Variants in IGHMBP2 observed in about 807,000 individuals in gnomAD.
The protein encoded by IGHMBP2 is DNA-binding protein SMUBP-2.
IGHMBP2 carries 81 observed loss-of-function variants against 96.0 expected under a neutral mutation model. The observed-to-expected ratio is 0.84, with a 90% CI of 0.71 to 1.01. The LOEUF (loss-of-function observed/expected upper bound fraction) is 1.01. IGHMBP2 is among the 50% of genes least tolerant of loss of function. IGHMBP2 has a pLI of 0.00. For synonymous variants in IGHMBP2, 557 were observed against 548.9 expected, an observed-to-expected ratio of 1.01 and a Z score of -0.21; for missense variants, 1,227 against 1,306.3, an observed-to-expected ratio of 0.94 and a Z score of 0.94.
Position 68,936,370 on chromosome 11 carries a change from C to G in IGHMBP2, c.1890C>G (p.Phe630Leu), listed in dbSNP as rs1480529038. The G allele has an allele frequency of 6.2e-7, 1 of 1,614,212 alleles. No individual in the cohort carries two copies. Among genetic ancestry groups the G allele is most frequent in the Non-Finnish European group, 8.5e-7 (1 of 1,180,048 alleles). ...TTTTGAAGACCCTGGTGGAGTATTT[C>G]ACACAGCATGGGGAAGTACGCACGG... ...HAFLKTLVEYFTQHGEVRTAF... is the reference protein window; with the variant it reads ...HAFLKTLVEYLTQHGEVRTAF... The change falls in exon 13 of 15, where the codon TTC (phenylalanine) becomes TTG (leucine). Residue 630 changes from phenylalanine (F) to leucine (L), a missense_variant. Phe to Leu is a conservative substitution (Grantham distance 22, BLOSUM62 0). Transcript: ENST00000255078.
rs1374616374 is a variant in IGHMBP2, at chr11:68,908,813, G to T, written c.547+182G>T. Among the ~76,000 whole-genome samples the T allele has an allele frequency of 3.3e-5, 5 of 150,156 alleles. No individual in the cohort carries two copies. The East Asian group carries it at 9.8e-4, about 29-fold the overall frequency. ...AACTGGACCGTCCTCCTTGTACTCAGTCCTAATGAACTGGCTCGTTCCATT... is the reference window on the plus strand; with the variant it reads ...AACTGGACCGTCCTCCTTGTACTCATTCCTAATGAACTGGCTCGTTCCATT... On this transcript the variant is annotated intron_variant, in intron 4 of 14. Transcript: ENST00000255078.
At chr11:68,907,616 C>A (rs1236295170) in intron 2 of IGHMBP2, among the ~76,000 whole-genome samples, 1 of 152,082 alleles carries the variant, frequency 6.6e-6, no homozygotes, top group Non-Finnish European at 1.5e-5. Context: ...TTTAGCCCAA[C>A]AATTACTGGA....
chr11:68,904,825 GTCTC>G (rs570298731), intron 1 of IGHMBP2, among the ~76,000 whole-genome samples: 1 of 21,142 alleles, frequency 4.7e-5, no homozygotes, highest in Non-Finnish European at 2.9e-4. Flanking sequence ...TTTAGACAGA[GTCTC>G]TCTCTGTCGC....
chr11:68,921,976 T>C lies in IGHMBP2; in HGVS notation c.1060+4093T>C, dbSNP rs566308672. On this transcript the variant is annotated intron_variant, in intron 7 of 14. Transcript: ENST00000255078. ...CTGCCTGAGTATTTCTGAAGAGAAA[T>C]TGGTCATCCTTATCCTTGTTCCTTT... 2.0e-5 allele frequency among the ~76,000 whole-genome samples: 3 copies of C among 152,364 alleles called. No homozygotes were observed. In the South Asian group the frequency reaches 6.2e-4, roughly 32 times the overall value.
rs181065588 is a variant in IGHMBP2, at chr11:68,908,902, G to A, written c.547+271G>A. The stretch of plus-strand genomic sequence containing the variant: ...GTTGCCCAGGCTGGAGTGCAGTGGC[G>A]CGATCTCAGCTCATTGCAAACTCCG... On this transcript the variant is annotated intron_variant, in intron 4 of 14. Transcript: ENST00000255078. Among the ~76,000 whole-genome samples, 940 of 149,722 alleles carry A rather than the reference G, an allele frequency of 6.3e-3. 9 individuals are homozygous for A. Among genetic ancestry groups the A allele is most frequent in the African/African-American group, 0.022 (893 of 40,566 alleles).
At chr11:68,928,690 C>T (rs779366862) in intron 7 of IGHMBP2, among the ~76,000 whole-genome samples, 3 of 152,188 alleles carry the variant, frequency 2.0e-5, no homozygotes, top group Non-Finnish European at 4.4e-5. Context: ...GAGTCTTGCT[C>T]ACAGCCTGAA....
At chr11:68,925,185 GC>G (rs1485614723) in intron 7 of IGHMBP2, among the ~76,000 whole-genome samples, 1 of 132,538 alleles carries the variant, frequency 7.5e-6, no homozygotes, top group Non-Finnish European at 1.5e-5. Flanking sequence ...TCACTCTGTT[GC>G]CCAGGCTGTA....
chr11:68,925,273 G>A (rs1013779880), intron 7 of IGHMBP2, among the ~76,000 whole-genome samples: 6 of 151,806 alleles, frequency 4.0e-5, no homozygotes, highest in Non-Finnish European at 7.4e-5. Context: ...AGCCTCCTGA[G>A]TAGCTGGGAT....
rs1295031079 is a variant in IGHMBP2 at position 68,934,572 on chromosome 11, C to G, written c.1632+14C>G. ...TACAACCTCCAGGTACGAGGGTTTC[C>G]TTTTGTCCCTCTACAGAGCAGCTGG... is the stretch of plus-strand genomic sequence containing the variant. On this transcript the variant is annotated intron_variant, in intron 11 of 14. Coordinates refer to ENST00000255078, the MANE Select transcript of IGHMBP2 (RefSeq NM_002180.3). 4 of 1,584,018 alleles carry G rather than the reference C, an allele frequency of 2.5e-6. No homozygotes were observed. The Admixed American group carries it at 6.8e-5, about 27-fold the overall frequency.
intron 4 of IGHMBP2, among the ~76,000 whole-genome samples, chr11:68,908,867 A>G (rs1858308439): frequency 6.8e-6 from 1 of 146,356 alleles, no homozygotes; most frequent in South Asian, 2.2e-4. Context: ...TTGAGACAGA[A>G]TCTTGCTCTG....
At chr11:68,905,153 G>T (rs1398468834) in intron 1 of IGHMBP2, among the ~76,000 whole-genome samples, 1 of 152,208 alleles carries the variant, frequency 6.6e-6, no homozygotes, top group African/African-American at 2.4e-5. Context: ...ACAGAGAGGG[G>T]TTAAGTAACT....
At position 68,911,431 on chromosome 11, in the gene IGHMBP2, C is replaced by A. The variant is rs760807097; in HGVS notation, c.548-9C>A. 6.2e-7 allele frequency: 1 copy of A among 1,613,424 alleles called. No homozygotes were observed. Among genetic ancestry groups the A allele is most frequent in the Non-Finnish European group, 8.5e-7 (1 of 1,179,898 alleles). ...GCACCTGAGCCTCACGCTGCTGCTT[C>A]TTCCACAGACCCGCTGACATTCTTC... On this transcript the variant is annotated splice_polypyrimidine_tract_variant and intron_variant, in intron 4 of 14. Transcript: ENST00000255078.
intron 7 of IGHMBP2, among the ~76,000 whole-genome samples, chr11:68,924,063 G>C (rs1282932962): frequency 6.6e-6 from 1 of 152,072 alleles, no homozygotes; most frequent in Non-Finnish European, 1.5e-5. Context: ...CGTTATTCAG[G>C]GGTTACTTTT....
rs375071662 is a variant in IGHMBP2, at chr11:68,906,134, A to C, written c.152A>C (p.Gln51Pro). 6.2e-7 allele frequency: 1 copy of C among 1,614,190 alleles called. No individual in the cohort carries two copies. Among genetic ancestry groups the C allele is most frequent in the South Asian group, 1.1e-5 (1 of 91,082 alleles). The change falls in exon 2 of 15, where the codon CAG (glutamine) becomes CCG (proline). Residue 51 changes from glutamine to proline, a missense_variant. By Grantham distance (76) the Gln-to-Pro change is moderately conservative. This residue lies in a region of IGHMBP2 where 507 missense variants were observed against 496.9 expected (regional missense o/e 1.02). Coordinates refer to ENST00000255078, the MANE Select transcript of IGHMBP2 (RefSeq NM_002180.3). ...QSRGVCLLKL[Q>P]VSSQRTGLYG... ...CGAGGCGTGTGTTTGCTGAAGCTGC[A>C]GGTATCCAGCCAGCGCACTGGGCTG...
At chr11:68,929,111 C>T (rs1859173907) in intron 7 of IGHMBP2, 72 bp from the exon 8 acceptor site, 3 of 1,371,094 alleles carry the variant, frequency 2.2e-6, no homozygotes, top group Non-Finnish European at 3.1e-6. Flanking sequence ...TTGATGGTGT[C>T]TCCTCTGGTG....
chr11:68,928,731 A>G (rs1267994578), intron 7 of IGHMBP2, among the ~76,000 whole-genome samples: 1 of 150,096 alleles, frequency 6.7e-6, no homozygotes, highest in Non-Finnish European at 1.5e-5. Context: ...CGTCCCAGGA[A>G]GGAAAAGCTG....
intron 5 of IGHMBP2, 137 bp downstream of exon 5, chr11:68,911,740 C>CT: frequency 1.2e-6 from 1 of 837,902 alleles, no homozygotes; most frequent in Non-Finnish European, 2.0e-6. Context: ...TTGATTGAGC[C>CT]TTGGACTGCC....
At chr11:68,923,908 A>G (rs956879684) in intron 7 of IGHMBP2, among the ~76,000 whole-genome samples, 1 of 152,046 alleles carries the variant, frequency 6.6e-6, no homozygotes, top group Non-Finnish European at 1.5e-5. Flanking sequence ...CTCTGCCTGC[A>G]TTGGTCGCCA....
chr11:68,930,515 AAG>A (rs1287385262), intron 8 of IGHMBP2: 32 of 1,266,100 alleles, frequency 2.5e-5, no homozygotes, highest in African/African-American at 3.1e-5. Flanking sequence ...TGGTGGAAGA[AAG>A]AGGAGTGCTG....
Sources: gnomAD v4.1 joint callset for allele counts (sites outside exome capture counted in the v4.1 genomes callset) on GRCh38, gnomAD v4.1.1 for gene constraint, gnomAD v4.1.1 regional missense constraint, MANE v1.5 for transcripts, NCBI Gene and HGNC (gene_info 2026-07-23, HGNC 2026-07-21) for gene names.